Variants in COL18A1 observed in about 807,000 individuals in gnomAD.
COL18A1 encodes collagen type XVIII alpha 1 chain, also known as collagen alpha-1(XVIII) chain.
Under a neutral mutation model 168.0 loss-of-function variants are expected in COL18A1, and 133 were observed. The ratio of observed to expected loss-of-function variants is 0.79; its 90% CI spans 0.69 to 0.91. The LOEUF is 0.91. COL18A1 is among the 40% of genes least tolerant of loss of function. The probability of loss-of-function intolerance (pLI) is 0.00; values close to 1 mark genes in which losing one functional copy is unlikely to be tolerated. For missense variants in COL18A1, 2,126 were observed against 1,925.4 expected (o/e 1.10, Z -1.95); for synonymous variants, 949 against 809.0 (o/e 1.17, Z -2.94).
In COL18A1 at chr21:45,511,413, A is replaced by C. The variant is rs567360914; in HGVS notation, c.3809+187A>C. On this transcript the variant is annotated intron_variant, in intron 41 of 41. Transcript: ENST00000651438. ...ACTGCTCTGAGAAGTCATCATTAGC[A>C]ATGCGTTTGAGAGCCAGGTAGTTGT... Among the ~76,000 whole-genome samples the C allele has an allele frequency of 1.3e-5, 2 of 152,270 alleles. 1 individual carries two copies. The highest frequency in any genetic ancestry group is 4.1e-4 in the South Asian group (2 of 4,826).
intron 2 of COL18A1, among the ~76,000 whole-genome samples, chr21:45,455,304 C>T (rs758469037): frequency 3.9e-5 from 6 of 152,244 alleles, no homozygotes; most frequent in South Asian, 2.1e-4. Context: ...GCTGCAGGGC[C>T]GTGGGAAAGA....
chr21:45,506,050 C>A (rs2037185241), intron 37 of COL18A1, 84 bp downstream of exon 37: 2 of 1,600,198 alleles, frequency 1.2e-6, no homozygotes, highest in Admixed American at 1.7e-5. Context: ...GAGGCTCAGG[C>A]CCCGGACAGG....
intron 13 of COL18A1, among the ~76,000 whole-genome samples, chr21:45,481,207 C>G (rs918450591): frequency 2.6e-5 from 4 of 152,152 alleles, no homozygotes; most frequent in Admixed American, 6.5e-5. Flanking sequence ...TGCTGGAGGG[C>G]CAGGGGAGGG....
At chr21:45,419,825 C>T (rs551744075) in intron 2 of COL18A1, 55 of 152,278 alleles carry the variant, frequency 3.6e-4, no homozygotes, top group African/African-American at 1.2e-3. Context: ...AGTAAAATGT[C>T]CCCCGGAACC....
Position 45,512,508 on chromosome 21 carries a change from T to C in COL18A1, c.*110T>C. Reference sequence around the variant, plus strand: ...TGGCCCCAGGACCTGGCTGCCATACTTTCCTGTATAGTTCACGTTTCATGT... The same window carrying C: ...TGGCCCCAGGACCTGGCTGCCATACCTTCCTGTATAGTTCACGTTTCATGT... On this transcript the variant is annotated 3_prime_UTR_variant, in exon 42 of 42. Transcript: ENST00000651438. 1.0e-6 allele frequency: 1 copy of C among 957,490 alleles called. No homozygotes were observed. The allele number at this position is 957,490 out of a possible 1,614,324, so 59.3% of individuals were successfully genotyped here. A position where few individuals can be genotyped will look rare whatever the true frequency, so the allele number is the denominator to read the frequency against.
chr21:45,438,178 TCA>T (rs1292715780), intron 2 of COL18A1, among the ~76,000 whole-genome samples: 4 of 80,816 alleles, frequency 4.9e-5, no homozygotes, highest in Admixed American at 1.3e-4. Flanking sequence ...ATACACACAC[TCA>T]CACTCAGACA....
chr21:45,507,882 C>T (rs2037317057), intron 38 of COL18A1, among the ~76,000 whole-genome samples: 1 of 152,228 alleles, frequency 6.6e-6, no homozygotes, highest in Non-Finnish European at 1.5e-5. Flanking sequence ...AGGTCAAAAT[C>T]CTTGGGGCCA....
intron 2 of COL18A1, among the ~76,000 whole-genome samples, chr21:45,466,033 C>T (rs2035196044): frequency 6.6e-6 from 1 of 152,114 alleles, no homozygotes; most frequent in Non-Finnish European, 1.5e-5. Flanking sequence ...GAGCATGGGA[C>T]TCACAGGAGA....
At chr21:45,492,035 T>C (rs548506217) in intron 22 of COL18A1, among the ~76,000 whole-genome samples, 1 of 152,272 alleles carries the variant, frequency 6.6e-6, no homozygotes, top group Admixed American at 6.5e-5. Flanking sequence ...TACCTAACCC[T>C]TGTGCTCCAG....
At chr21:45,405,737 C>A (rs1016759870) in intron 2 of COL18A1, among the ~76,000 whole-genome samples, 4 of 150,690 alleles carry the variant, frequency 2.7e-5, no homozygotes, top group Non-Finnish European at 5.9e-5. Flanking sequence ...GACCGAACCT[C>A]CGCGGCCGGC....
intron 38 of COL18A1, among the ~76,000 whole-genome samples, chr21:45,508,142 G>A (rs2037339156): frequency 1.3e-5 from 2 of 151,678 alleles, no homozygotes; most frequent in Admixed American, 1.3e-4. Context: ...TGGGTGGATG[G>A]AAAGGTGGGT....
chr21:45,509,615 C>CAA lies in COL18A1; in HGVS notation c.3495+16_3495+17dup, dbSNP rs1568951355. Reference sequence around the variant, plus strand: ...TTCCAGCCGGTGGTGAGTGCCCCCCCAAAGTGGGCTTGGCTCCATCTAGCC... The same window carrying CAA: ...TTCCAGCCGGTGGTGAGTGCCCCCCCAAAAAGTGGGCTTGGCTCCATCTAGCC... On this transcript the variant is annotated intron_variant, in intron 39 of 41. Transcript: ENST00000651438. The CAA allele has an allele frequency of 2.3e-6, 3 of 1,306,318 alleles. No homozygotes were observed. The highest frequency in any genetic ancestry group is 3.2e-6 in the Non-Finnish European group (3 of 939,576). 80.9% of individuals were successfully genotyped at this position (1,306,318 alleles called of 1,614,324 possible). A position where few individuals can be genotyped will look rare whatever the true frequency, so the allele number is the denominator to read the frequency against.
intron 37 of COL18A1, chr21:45,507,006 A>C (rs1480064051): frequency 6.9e-6 from 2 of 289,796 alleles, no homozygotes; most frequent in African/African-American, 4.4e-5. Context: ...CCTAACTTTC[A>C]GGGGCTTTGG....
intron 37 of COL18A1, chr21:45,506,347 C>T (rs1057442504): frequency 1.4e-5 from 5 of 354,714 alleles, no homozygotes; most frequent in South Asian, 2.2e-5. Flanking sequence ...AGCACGGCCC[C>T]GGCTGGGGGG....
chr21:45,468,147 C>T, intron 2 of COL18A1, 95 bp from the exon 3 acceptor site: 4 of 1,379,280 alleles, frequency 2.9e-6, no homozygotes, highest in Non-Finnish European at 4.0e-6. Flanking sequence ...TCAGTTTCTC[C>T]TTTCTGCCCC....
rs891207517 is a variant in COL18A1 at position 45,498,115 on chromosome 21, A to G, written c.2683+454A>G. 2 of 627,974 alleles carry G rather than the reference A, an allele frequency of 3.2e-6. No homozygotes were observed. The highest frequency in any genetic ancestry group is 1.8e-5 in the South Asian group (1 of 55,346). The allele number at this position is 627,974 out of a possible 1,614,324, so 38.9% of individuals were successfully genotyped here. A position where few individuals can be genotyped will look rare whatever the true frequency, so the allele number is the denominator to read the frequency against. The stretch of plus-strand genomic sequence containing the variant: ...CCCAGCACCCCTGCTCCCCCAAAGG[A>G]CAAGAATTCCCCCCTGAGCCCCACC... On this transcript the variant is annotated intron_variant, in intron 32 of 41. Transcript: ENST00000651438. This position sits in a 1 kb window ranked among gnomAD's most constrained non-coding sequence, Gnocchi z 4.5.
intron 2 of COL18A1, among the ~76,000 whole-genome samples, chr21:45,415,019 G>C (rs2033401975): frequency 6.6e-6 from 1 of 152,184 alleles, no homozygotes; most frequent in Admixed American, 6.5e-5. Context: ...GGAGCCTCCA[G>C]AGGACCCCTG....
At chr21:45,456,825 G>T in intron 2 of COL18A1, 1 of 1,523,634 alleles carries the variant, frequency 6.6e-7, no homozygotes, top group South Asian at 1.2e-5. Context: ...CCCGTCGCCT[G>T]TGCCTCGCTC....
At chr21:45,493,749 G>T in intron 26 of COL18A1, 174 bp downstream of exon 26, 1 of 610,618 alleles carries the variant, frequency 1.6e-6, no homozygotes, top group South Asian at 2.0e-5. Flanking sequence ...CCATGTCGGC[G>T]GTTCCGCCGG....
Sources: allele counts gnomAD v4.1 joint callset (sites outside exome capture counted in the v4.1 genomes callset), GRCh38; gene constraint gnomAD v4.1.1; non-coding constraint Gnocchi (gnomAD v3.1); transcripts MANE v1.5; gene names NCBI Gene and HGNC (gene_info 2026-07-23, HGNC 2026-07-21).